ARHGEF7: variants seen among roughly 807,000 people sequenced by gnomAD.
ARHGEF7 encodes the protein PAK-interacting exchange factor beta.
In ARHGEF7, 33 loss-of-function variants were observed where a neutral mutation model predicts 109.8. The observed-to-expected ratio is 0.30, with a 90% CI of 0.23 to 0.40. ARHGEF7 has a LOEUF of 0.40. Ranked by LOEUF, ARHGEF7 falls within the 10% of genes least tolerant of loss-of-function variation. The probability of loss-of-function intolerance (pLI) is 1.00; values close to 1 mark genes in which losing one functional copy is unlikely to be tolerated. For missense variants in ARHGEF7, 938 were observed against 1,098.5 expected (o/e 0.85, Z 2.07); for synonymous variants, 458 against 424.6 (o/e 1.08, Z -0.97).
chr13:111,252,836 G>T (rs1468851729), intron 8 of ARHGEF7, among the ~76,000 whole-genome samples: 1 of 152,234 alleles, frequency 6.6e-6, no homozygotes, highest in Admixed American at 6.5e-5. Context: ...TTGGAGACAG[G>T]TTGTCTTCAT....
chr13:111,148,597 G>A (rs879358093), intron 1 of ARHGEF7, among the ~76,000 whole-genome samples: 6 of 152,300 alleles, frequency 3.9e-5, no homozygotes, highest in Middle Eastern at 3.4e-3. Context: ...TGGTTGGGCC[G>A]TCCCATCTCC....
intron 6 of ARHGEF7, among the ~76,000 whole-genome samples, chr13:111,233,682 G>A (rs368853746): frequency 2.0e-5 from 3 of 152,162 alleles, no homozygotes; most frequent in South Asian, 4.1e-4. Flanking sequence ...TTAGACATAA[G>A]GCTTCTAATT....
intron 2 of ARHGEF7, among the ~76,000 whole-genome samples, chr13:111,167,178 G>A (rs1047909863): frequency 6.6e-6 from 1 of 152,154 alleles, no homozygotes; most frequent in Non-Finnish European, 1.5e-5. Context: ...TCACAGAGAA[G>A]CACCATGCAA....
At chr13:111,296,506 T>C (rs1213373242) in intron 19 of ARHGEF7, among the ~76,000 whole-genome samples, 1 of 152,216 alleles carries the variant, frequency 6.6e-6, no homozygotes, top group Non-Finnish European at 1.5e-5. Context: ...GTTTGAGAAG[T>C]GCTGGATTGG....
Position 111,115,536 on chromosome 13 carries a change from G to A in ARHGEF7, c.10G>A (p.Ala4Thr). Residue 4 changes from alanine to threonine, a missense_variant, in exon 1 of 22, where the codon GCC (alanine) becomes ACC (threonine). Ala to Thr is a moderately conservative substitution (Grantham distance 58). This residue lies in a region of ARHGEF7 where 165 missense variants were observed against 125.8 expected (regional missense o/e 1.31). Coordinates refer to ENST00000646102, the MANE Select transcript of ARHGEF7 (RefSeq NM_001354046.2). The stretch of plus-strand genomic sequence containing the variant: ...CTCCCGGGCCGCAGCGATGAATTCC[G>A]CCGAGCAAACCGTTACGTGGCTCAT... Reference protein sequence around the residue: MNSAEQTVTWLITL... With the variant: MNSTEQTVTWLITL... 1 of 1,369,082 alleles carries A rather than the reference G, an allele frequency of 7.3e-7. No individual in the cohort carries two copies. The highest frequency in any genetic ancestry group is 9.6e-7 in the Non-Finnish European group (1 of 1,039,656). 84.8% of individuals were successfully genotyped at this position (1,369,082 alleles called of 1,614,324 possible).
intron 8 of ARHGEF7, among the ~76,000 whole-genome samples, chr13:111,251,481 G>A (rs1000360444): frequency 3.9e-5 from 6 of 152,208 alleles, no homozygotes; most frequent in Admixed American, 2.0e-4. Context: ...AAAAGGAACC[G>A]TATGCTCTGT....
intron 18 of ARHGEF7, among the ~76,000 whole-genome samples, chr13:111,289,416 G>A (rs1008917163): frequency 3.3e-5 from 5 of 152,216 alleles, no homozygotes; most frequent in African/African-American, 1.2e-4. Flanking sequence ...CAGCGTGCCT[G>A]TCATTTACCC....
intron 2 of ARHGEF7, among the ~76,000 whole-genome samples, chr13:111,162,421 G>A (rs2076817700): frequency 6.6e-6 from 1 of 152,224 alleles, no homozygotes; most frequent in South Asian, 2.1e-4. Flanking sequence ...GTTATCAGCT[G>A]TTGCACAAGT....
chr13:111,270,105 G>A (rs571949915), intron 9 of ARHGEF7, among the ~76,000 whole-genome samples: 14 of 152,354 alleles, frequency 9.2e-5, no homozygotes, highest in Admixed American at 2.0e-4. Context: ...AACTCTGACC[G>A]TTTTAGCAGC....
At chr13:111,162,874 A>G (rs1055860572) in intron 2 of ARHGEF7, among the ~76,000 whole-genome samples, 10 of 152,248 alleles carry the variant, frequency 6.6e-5, no homozygotes, top group Non-Finnish European at 1.2e-4. Context: ...CAGGCTTAAT[A>G]ATTAATTGCA....
intron 5 of ARHGEF7, among the ~76,000 whole-genome samples, chr13:111,219,501 C>T (rs2083547861): frequency 6.6e-6 from 1 of 151,940 alleles, no homozygotes. Flanking sequence ...CTGTATATAC[C>T]CAGAAGTGGA....
chr13:111,187,028 G>GTT, intron 2 of ARHGEF7: 1 of 985,840 alleles, frequency 1.0e-6, no homozygotes, highest in South Asian at 4.7e-5. Flanking sequence ...TGCTGTGCTT[G>GTT]TTGGTGTGGG....
intron 5 of ARHGEF7, among the ~76,000 whole-genome samples, chr13:111,231,144 A>G (rs867439333): frequency 7.9e-5 from 12 of 152,156 alleles, no homozygotes; most frequent in Admixed American, 1.3e-4. Context: ...AGGTGTGGAC[A>G]GTCTCCCCTG....
At chr13:111,274,049 A>G in intron 10 of ARHGEF7, 97 bp downstream of exon 10, 1 of 1,418,580 alleles carries the variant, frequency 7.0e-7, no homozygotes, top group South Asian at 1.4e-5. Flanking sequence ...GATTTATTTT[A>G]GAAGCCAGAA....
chr13:111,166,968 C>G (rs534215961), intron 2 of ARHGEF7, among the ~76,000 whole-genome samples: 109 of 152,170 alleles, frequency 7.2e-4, no homozygotes, highest in African/African-American at 2.5e-3. Flanking sequence ...TGAAGGAATA[C>G]CTGGTGAAGG....
In ARHGEF7 at chr13:111,272,628, G is replaced by A. The variant is rs990589298; in HGVS notation, c.1074-1186G>A. Among the ~76,000 whole-genome samples the A allele has an allele frequency of 7.9e-5, 12 of 152,162 alleles. No homozygotes were observed. Among genetic ancestry groups the A allele is most frequent in the African/African-American group, 1.9e-4 (8 of 41,446 alleles). ...AGACCCCTATCTTCTAGGATGGGGC[G>A]TGGTGATGGGGCGGGGGTCACCTGG... On this transcript the variant is annotated intron_variant, in intron 9 of 21. Transcript: ENST00000646102. This position sits in a 1 kb window ranked among gnomAD's most constrained non-coding sequence, Gnocchi z 5.2.
At chr13:111,233,165 T>C in intron 5 of ARHGEF7, 40 bp from the exon 6 acceptor site, 2 of 1,536,692 alleles carry the variant, frequency 1.3e-6, no homozygotes, top group Non-Finnish European at 1.8e-6. Flanking sequence ...TTGTCATCTT[T>C]AGTACTGATC....
At chr13:111,293,450 A>G in intron 19 of ARHGEF7, 1 of 985,252 alleles carries the variant, frequency 1.0e-6, no homozygotes, top group East Asian at 1.1e-4. Flanking sequence ...AAAAAAAAAA[A>G]AAAACTCACC....
intron 19 of ARHGEF7, chr13:111,293,265 A>T: frequency 2.0e-6 from 2 of 985,356 alleles, no homozygotes; most frequent in Non-Finnish European, 2.4e-6. Flanking sequence ...CACCCCTGAC[A>T]TCCATACTTA....
Sources: gnomAD v4.1 joint callset for allele counts (sites outside exome capture counted in the v4.1 genomes callset) on GRCh38, gnomAD v4.1.1 for gene constraint, gnomAD v4.1.1 regional missense constraint, Gnocchi (gnomAD v3.1) non-coding constraint, MANE v1.5 for transcripts, NCBI Gene and HGNC (gene_info 2026-07-23, HGNC 2026-07-21) for gene names.